FETUB: variants seen among roughly 807,000 people sequenced by gnomAD.
FETUB encodes the protein fetuin B, also known as fetuin-B.
A neutral mutation model predicts 30.9 loss-of-function variants in FETUB; 28 were observed. The observed-to-expected ratio is 0.90, with a 90% confidence interval of 0.67 to 1.24. FETUB has a LOEUF of 1.24. Among genes scored for constraint, FETUB ranks in the 50% most tolerant of loss-of-function variants. The pLI, the probability that FETUB is intolerant of heterozygous loss-of-function variation, is 0.00. For synonymous variants in FETUB, 186 were observed against 175.9 expected, an observed-to-expected ratio of 1.06 and a Z score of -0.45; for missense variants, 469 against 455.3, an observed-to-expected ratio of 1.03 and a Z score of -0.27.
rs1717350673 is a variant in FETUB at position 186,644,742 on chromosome 3, C to T, written c.425-9C>T. The T allele has an allele frequency of 6.3e-7, 1 of 1,588,130 alleles. No homozygotes were observed. Among genetic ancestry groups the T allele is most frequent in the Non-Finnish European group, 8.5e-7 (1 of 1,170,056 alleles). ...AGCATTTAAAAACTTATGTTATTGGCATCAACAGTTTCAAAAAAAAAGATT... is the reference window on the plus strand; with the variant it reads ...AGCATTTAAAAACTTATGTTATTGGTATCAACAGTTTCAAAAAAAAAGATT... On this transcript the variant is annotated splice_polypyrimidine_tract_variant and intron_variant, in intron 3 of 6. Transcript: ENST00000265029.
At chr3:186,640,240 A>G (rs974667376), upstream of FETUB, 16 of 577,990 alleles carry the variant, frequency 2.8e-5, no homozygotes, top group Non-Finnish European at 4.0e-5. Context: ...ATTTGTATGT[A>G]CAGGTGGATA....
intron 2 of FETUB, 114 bp downstream of exon 2, chr3:186,641,254 T>C (rs1717034576): frequency 3.0e-6 from 2 of 674,386 alleles, no homozygotes; most frequent in Non-Finnish European, 5.3e-6. Context: ...GCCCACTTTA[T>C]AATCTCCTGG....
chr3:186,649,586 TCAA>T (rs952200289), intron 5 of FETUB, among the ~76,000 whole-genome samples: 10 of 152,164 alleles, frequency 6.6e-5, no homozygotes, highest in Non-Finnish European at 1.5e-4. Context: ...TTCTCCTGCC[TCAA>T]CAACCCAAGT....
At position 186,640,472 on chromosome 3, in the gene FETUB, C is replaced by T; in HGVS notation, c.12C>T (p.Leu4=). The part of the protein sequence containing the change: MGL[L]LPLALCILVL... ...TTGTTCTCCACAGAATGGGTCTGCT[C>T]CTTCCCCTGGCACTCTGCATCCTAG... is the stretch of plus-strand genomic sequence containing the variant. The change falls in exon 1 of 7, where the codon CTC becomes CTT. Residue 4 remains leucine (L), a synonymous_variant. Transcript: ENST00000265029. The T allele has an allele frequency of 1.2e-6, 2 of 1,614,158 alleles. No homozygotes were observed. Among genetic ancestry groups the T allele is most frequent in the Middle Eastern group, 1.6e-4 (1 of 6,062 alleles).
At position 186,642,567 on chromosome 3, in the gene FETUB, T is replaced by G. The variant is rs747149767; in HGVS notation, c.424+9T>G. ...CTGTACTCTTCGCCCAGGTAAGAAA[T>G]CACTACGATTTTGTTAGTTTTAATA... On this transcript the variant is annotated intron_variant, in intron 3 of 6. Transcript: ENST00000265029. 2.5e-5 allele frequency: 38 copies of G among 1,528,272 alleles called. No homozygotes were observed. The East Asian group carries it at 4.7e-4, about 19-fold the overall frequency. 94.7% of individuals were successfully genotyped at this position (1,528,272 alleles called of 1,614,324 possible).
At chr3:186,651,158 A>T in intron 5 of FETUB, 60 bp from the exon 6 acceptor site, 1 of 1,092,588 alleles carries the variant, frequency 9.2e-7, no homozygotes, top group Non-Finnish European at 1.4e-6. Flanking sequence ...GTAGAAAGCT[A>T]GTTGATTTCC....
intron 5 of FETUB, 75 bp from the exon 6 acceptor site, chr3:186,651,143 C>G: frequency 3.1e-6 from 3 of 967,070 alleles, no homozygotes; most frequent in Non-Finnish European, 5.0e-6. Flanking sequence ...TGTGTATCTA[C>G]ACAAGTAGAA....
chr3:186,642,281 A>G (rs1383146523), intron 2 of FETUB, 190 bp from the exon 3 acceptor site: 1 of 561,530 alleles, frequency 1.8e-6, no homozygotes, highest in Non-Finnish European at 3.1e-6. Flanking sequence ...TTGGAAACAT[A>G]TTCTAGCTGT....
At chr3:186,643,831 C>T (rs1717268443) in intron 3 of FETUB, among the ~76,000 whole-genome samples, 1 of 152,174 alleles carries the variant, frequency 6.6e-6, no homozygotes, top group South Asian at 2.1e-4. Context: ...AAGATAAATT[C>T]TGTACCTTGA....
At chr3:186,642,604 A>G in intron 3 of FETUB, 46 bp downstream of exon 3, 1 of 1,166,022 alleles carries the variant, frequency 8.6e-7, no homozygotes, top group Non-Finnish European at 1.3e-6. Context: ...AGGATGGAAA[A>G]GAGTACTTAA....
Position 186,652,460 on chromosome 3 carries a change from G to T in FETUB, c.978G>T (p.Val326=), listed in dbSNP as rs1237255241. The change falls in exon 7 of 7, where the codon GTG becomes GTT. Residue 326 remains valine (V), a synonymous_variant. Transcript: ENST00000265029. ...AGGGCCCTCAGGAGGCCTTTCCTGT[G>T]CATCTGGACCTAACCACGAATCCCC... is the stretch of plus-strand genomic sequence containing the variant. ...QEKGPQEAFP[V]HLDLTTNPQG... The T allele has an allele frequency of 1.9e-6, 3 of 1,614,118 alleles. No homozygotes were observed. In the South Asian group the frequency reaches 3.3e-5, roughly 18 times the overall value.
At chr3:186,646,004 C>T (rs573334573) in intron 4 of FETUB, among the ~76,000 whole-genome samples, 3 of 152,268 alleles carry the variant, frequency 2.0e-5, no homozygotes, top group East Asian at 3.9e-4. Context: ...GGATTACAGG[C>T]GTAAGCCACC....
chr3:186,645,220 G>A (rs552366054), intron 4 of FETUB, among the ~76,000 whole-genome samples: 6 of 152,256 alleles, frequency 3.9e-5, no homozygotes, highest in Admixed American at 1.3e-4. Flanking sequence ...ACTCACTGCT[G>A]TATTCTCAAA....
chr3:186,644,986 G>A, intron 4 of FETUB, 66 bp downstream of exon 4: 2 of 1,346,328 alleles, frequency 1.5e-6, no homozygotes, highest in Non-Finnish European at 2.0e-6. Flanking sequence ...AGGTTCCTAA[G>A]CTGGGAGGAA....
At position 186,647,364 on chromosome 3, in the gene FETUB, A is replaced by C. The variant is rs1182632082; in HGVS notation, c.696+1015A>C. Among the ~76,000 whole-genome samples the C allele has an allele frequency of 2.0e-5, 3 of 152,108 alleles. No homozygotes were observed. In the East Asian group the frequency reaches 5.8e-4, roughly 29 times the overall value. ...TATACCTCAGAGTGGAGTTTTTGTC[A>C]TATGAAAAACAACAAAAAAATGCTC... On this transcript the variant is annotated intron_variant, in intron 5 of 6. Transcript: ENST00000265029.
intron 5 of FETUB, among the ~76,000 whole-genome samples, chr3:186,646,805 C>G (rs1247689369): frequency 6.6e-6 from 1 of 152,096 alleles, no homozygotes; most frequent in African/African-American, 2.4e-5. Flanking sequence ...CAAAATGCAC[C>G]AAAATACTTT....
chr3:186,639,069 C>G (rs1716861541), upstream of FETUB, among the ~76,000 whole-genome samples: 1 of 152,088 alleles, frequency 6.6e-6, no homozygotes, highest in Non-Finnish European at 1.5e-5. Flanking sequence ...TATCAGAGAC[C>G]AGGGAATTTA....
Position 186,640,687 on chromosome 3 carries a change from C to T in FETUB, c.225+2C>T, listed in dbSNP as rs778192645. On this transcript the variant is annotated splice_donor_variant, in intron 1 of 6. Coordinates refer to ENST00000265029, the MANE Select transcript of FETUB (RefSeq NM_014375.3). LOFTEE classifies it low-confidence loss of function (GC_TO_GT_DONOR). ...AACGACGCCCAGGAATACAGACGGGCAAGTAGGGACAGTTCCCACTCTGGG... is the reference window on the plus strand; with the variant it reads ...AACGACGCCCAGGAATACAGACGGGTAAGTAGGGACAGTTCCCACTCTGGG... 10 of 1,610,296 alleles carry T rather than the reference C, an allele frequency of 6.2e-6. 1 individual carries two copies. The South Asian group carries it at 7.7e-5, about 12-fold the overall frequency.
intron 3 of FETUB, among the ~76,000 whole-genome samples, chr3:186,642,936 A>G (rs892664854): frequency 6.6e-6 from 1 of 152,132 alleles, no homozygotes; most frequent in East Asian, 1.9e-4. Flanking sequence ...CTGAACATGC[A>G]CTGCAATTTC....
Sources: gnomAD v4.1 joint callset for allele counts (sites outside exome capture counted in the v4.1 genomes callset) on GRCh38, gnomAD v4.1.1 for gene constraint, MANE v1.5 for transcripts, NCBI Gene and HGNC (gene_info 2026-07-23, HGNC 2026-07-21) for gene names.